Variants in GRM1 observed in about 807,000 individuals in gnomAD.
The protein encoded by GRM1 is glutamate metabotropic receptor 1, also known as metabotropic glutamate receptor 1.
A neutral mutation model predicts 90.9 loss-of-function variants in GRM1; 33 were observed. That is an observed-to-expected ratio of 0.36 (90% CI 0.28 to 0.49). GRM1 has a LOEUF of 0.49. Among genes scored for constraint, GRM1 ranks in the 20% least tolerant of loss-of-function variants. The pLI is 0.99. For missense variants in GRM1, 1,190 were observed against 1,534.3 expected (o/e 0.78, Z 3.75); for synonymous variants, 700 against 613.2 (o/e 1.14, Z -2.09).
Position 146,304,748 on chromosome 6 carries a change from C to A in GRM1, c.1088C>A (p.Thr363Lys). ...YFLKLRLDTN[T>K]RNPWFPEFWQ... ...CTGAAACTGAGGCTGGACACTAACA[C>A]GAGGAATCCCTGGTTCCCTGAGTTC... Residue 363 changes from threonine to lysine, a missense_variant, in exon 3 of 8, where the codon ACG becomes AAG. Around this residue, in one of 10 missense-constraint regions of GRM1, gnomAD observed 414 missense variants for 598.4 expected, o/e 0.69. Transcript: ENST00000282753. 6.2e-7 allele frequency: 1 copy of A among 1,613,954 alleles called. No individual in the cohort carries two copies. Among genetic ancestry groups the A allele is most frequent in the Admixed American group, 1.7e-5 (1 of 59,976 alleles).
chr6:146,377,485 A>G (rs1316230194), intron 5 of GRM1, among the ~76,000 whole-genome samples: 1 of 152,198 alleles, frequency 6.6e-6, no homozygotes, highest in African/African-American at 2.4e-5. Flanking sequence ...CCTGTGGAAC[A>G]TTGAATTTGA....
At chr6:146,230,894 A>G (rs546067884) in intron 2 of GRM1, among the ~76,000 whole-genome samples, 2 of 152,260 alleles carry the variant, frequency 1.3e-5, no homozygotes, top group Admixed American at 1.3e-4. Flanking sequence ...TCTAAGTGAG[A>G]GATGTCAATC....
At chr6:146,297,612 G>A (rs1220140681) in intron 2 of GRM1, among the ~76,000 whole-genome samples, 1 of 152,160 alleles carries the variant, frequency 6.6e-6, no homozygotes, top group African/African-American at 2.4e-5. Flanking sequence ...GCAGGATCTA[G>A]AAATTAGAGA....
chr6:146,391,251 A>C (rs1776709785), intron 6 of GRM1, among the ~76,000 whole-genome samples: 1 of 152,102 alleles, frequency 6.6e-6, no homozygotes, highest in African/African-American at 2.4e-5. Context: ...TGATTCAAAA[A>C]TTAGAAGTAG....
At chr6:146,168,736 T>G (rs1266672401) in intron 2 of GRM1, among the ~76,000 whole-genome samples, 1 of 152,094 alleles carries the variant, frequency 6.6e-6, no homozygotes, top group Non-Finnish European at 1.5e-5. Context: ...TCTAGGTTGA[T>G]AGTTGACTTT....
chr6:146,098,867 A>G (rs1440992901), intron 1 of GRM1, among the ~76,000 whole-genome samples: 1 of 151,976 alleles, frequency 6.6e-6, no homozygotes, highest in African/African-American at 2.4e-5. Context: ...CCCTCCTGCC[A>G]TGATTGTAAG....
intron 7 of GRM1, among the ~76,000 whole-genome samples, chr6:146,421,123 T>C (rs1777975357): frequency 6.6e-6 from 1 of 152,138 alleles, no homozygotes. Flanking sequence ...AATTTGGTAA[T>C]ATATAAGAAA....
chr6:146,160,398 G>A (rs964763410), intron 2 of GRM1, among the ~76,000 whole-genome samples: 2 of 152,096 alleles, frequency 1.3e-5, no homozygotes, highest in African/African-American at 2.4e-5. Flanking sequence ...TTTTTCATAG[G>A]GCTTTTGACC....
At chr6:146,192,119 C>G (rs1360611774) in intron 2 of GRM1, among the ~76,000 whole-genome samples, 1 of 152,156 alleles carries the variant, frequency 6.6e-6, no homozygotes, top group Non-Finnish European at 1.5e-5. Flanking sequence ...AAGACAATTT[C>G]CAAATGCTAG....
chr6:146,437,568 A>T lies in GRM1; in HGVS notation c.*2772A>T, dbSNP rs1778631716. ...CTGCCTTTTGTCAAATAATCTTGAC[A>T]ATGCTGTATAATAAATATTTTCTAT... is the stretch of plus-strand genomic sequence containing the variant. On this transcript the variant is annotated 3_prime_UTR_variant, in exon 8 of 8. Coordinates refer to ENST00000282753, the MANE Select transcript of GRM1 (RefSeq NM_001278064.2). 1 of 152,638 alleles carries T rather than the reference A, an allele frequency of 6.6e-6. No individual in the cohort carries two copies. The highest frequency in any genetic ancestry group is 1.5e-5 in the Non-Finnish European group (1 of 68,038). The allele number at this position is 152,638 out of a possible 1,614,324, so 9.5% of individuals were successfully genotyped here. A position where few individuals can be genotyped will look rare whatever the true frequency, so the allele number is the denominator to read the frequency against.
chr6:146,125,919 T>C (rs1189240471), intron 1 of GRM1, among the ~76,000 whole-genome samples: 2 of 152,194 alleles, frequency 1.3e-5, no homozygotes, highest in Non-Finnish European at 2.9e-5. Context: ...ATCAGAGTAC[T>C]ATTTGTCTTA....
intron 2 of GRM1, among the ~76,000 whole-genome samples, chr6:146,293,206 G>T (rs1326674133): frequency 6.6e-6 from 1 of 151,872 alleles, no homozygotes; most frequent in African/African-American, 2.4e-5. Flanking sequence ...AGTGATGATT[G>T]AAAAACATTT....
rs76033991 is a variant in GRM1 at position 146,102,107 on chromosome 6, C to T, written c.701-57241C>T. On this transcript the variant is annotated intron_variant, in intron 1 of 7. Transcript: ENST00000282753. Reference sequence around the variant, plus strand: ...TTAAATCCACAGATCTCGCTCGCCTCTTGTTCTCCTCTAGTCCATCCTGCC... The same window carrying T: ...TTAAATCCACAGATCTCGCTCGCCTTTTGTTCTCCTCTAGTCCATCCTGCC... Among the ~76,000 whole-genome samples the T allele has an allele frequency of 1.8e-3, 269 of 152,236 alleles. 2 individuals carry two copies. Among genetic ancestry groups the T allele is most frequent in the African/African-American group, 6.3e-3 (261 of 41,532 alleles).
intron 2 of GRM1, among the ~76,000 whole-genome samples, chr6:146,290,128 C>T (rs1407163413): frequency 6.6e-6 from 1 of 151,504 alleles, no homozygotes; most frequent in South Asian, 2.1e-4. Context: ...TGTGGCTGGA[C>T]AACCTTTTGT....
chr6:146,071,987 A>G (rs1396260501), intron 1 of GRM1, among the ~76,000 whole-genome samples: 1 of 152,186 alleles, frequency 6.6e-6, no homozygotes, highest in Non-Finnish European at 1.5e-5. Context: ...TAAAGACAGG[A>G]TCTTGGCAGC....
intron 1 of GRM1, among the ~76,000 whole-genome samples, chr6:146,151,482 T>C (rs1288872050): frequency 6.6e-6 from 1 of 152,158 alleles, no homozygotes; most frequent in Non-Finnish European, 1.5e-5. Flanking sequence ...TCCTCAATAT[T>C]TTAGGAGTGG....
At chr6:146,222,750 G>C (rs1780113185) in intron 2 of GRM1, among the ~76,000 whole-genome samples, 1 of 151,978 alleles carries the variant, frequency 6.6e-6, no homozygotes, top group Admixed American at 6.6e-5. Flanking sequence ...AAATATCCGG[G>C]TACCCTGTGG....
intron 1 of GRM1, among the ~76,000 whole-genome samples, chr6:146,150,921 C>G (rs1777300165): frequency 9.1e-6 from 1 of 109,924 alleles, no homozygotes; most frequent in Admixed American, 1.0e-4. Flanking sequence ...TGTATAAACA[C>G]ACACACGCGT....
At position 146,399,568 on chromosome 6, in the gene GRM1, G is replaced by C. The variant is rs1777078692; in HGVS notation, c.2529G>C (p.Glu843Asp). Residue 843 changes from glutamate (E) to aspartate (D), a missense_variant, in exon 7 of 8, where the codon GAG becomes GAC. Physicochemically the swap from Glu to Asp is conservative, Grantham distance 45. Coordinates refer to ENST00000282753, the MANE Select transcript of GRM1 (RefSeq NM_001278064.2). The surrounding 1 kb of genome is among the most constrained non-coding windows in gnomAD (Gnocchi z 5.4). Reference protein sequence around the residue: ...PKMYIIIAKPERNVRSAFTTS... With the variant: ...PKMYIIIAKPDRNVRSAFTTS... Reference sequence around the variant, plus strand: ...TGTACATCATTATTGCCAAGCCTGAGAGGAATGTCCGCAGTGCCTTCACCA... The same window carrying C: ...TGTACATCATTATTGCCAAGCCTGACAGGAATGTCCGCAGTGCCTTCACCA... 1.9e-6 allele frequency: 3 copies of C among 1,614,008 alleles called. No individual in the cohort carries two copies. Among genetic ancestry groups the C allele is most frequent in the Non-Finnish European group, 2.5e-6 (3 of 1,179,998 alleles).
Sources: allele counts gnomAD v4.1 joint callset (sites outside exome capture counted in the v4.1 genomes callset), GRCh38; gene constraint gnomAD v4.1.1; regional missense constraint gnomAD v4.1.1; non-coding constraint Gnocchi (gnomAD v3.1); transcripts MANE v1.5; gene names NCBI Gene and HGNC (gene_info 2026-07-23, HGNC 2026-07-21).